Variants in MIR2052HG observed in about 807,000 individuals in gnomAD.
The protein encoded by MIR2052HG is MIR2052 host gene.
At chr8:74,740,302 A>G (rs912754211) in intron 4 of MIR2052HG, among the ~76,000 whole-genome samples, 10 of 152,214 alleles carry the variant, frequency 6.6e-5, no homozygotes, top group African/African-American at 2.4e-4. Context: ...TGTCTCTACT[A>G]AAAATACAAA....
intron 2 of MIR2052HG, among the ~76,000 whole-genome samples, chr8:74,677,776 G>T (rs576161366): frequency 8.6e-5 from 13 of 151,964 alleles, no homozygotes; most frequent in Non-Finnish European, 1.9e-4. Flanking sequence ...ATCTAAATTA[G>T]CAAATAAAGA....
At chr8:74,621,548 A>G (rs1336055481) in intron 2 of MIR2052HG, among the ~76,000 whole-genome samples, 3 of 152,230 alleles carry the variant, frequency 2.0e-5, no homozygotes. Flanking sequence ...GGGCAGCAGG[A>G]CAGAGTGAGT....
intron 4 of MIR2052HG, among the ~76,000 whole-genome samples, chr8:74,728,106 T>C (rs948472751): frequency 3.3e-5 from 5 of 152,248 alleles, no homozygotes; most frequent in African/African-American, 1.2e-4. Flanking sequence ...TGTAGCAGAA[T>C]AAATAGCAGA....
intron 2 of MIR2052HG, among the ~76,000 whole-genome samples, chr8:74,648,234 G>T (rs1295592243): frequency 1.3e-5 from 2 of 152,110 alleles, no homozygotes; most frequent in Non-Finnish European, 2.9e-5. Flanking sequence ...CTGGGGGGAG[G>T]TCTATGAATG....
chr8:74,756,584 A>T (rs1810002142), intron 5 of MIR2052HG: 1 of 152,192 alleles, frequency 6.6e-6, no homozygotes, highest in Non-Finnish European at 1.5e-5. Context: ...AAAGATCAGA[A>T]ATGTAACATT....
intron 1 of MIR2052HG, chr8:74,612,805 G>A: frequency 2.3e-6 from 1 of 436,508 alleles, no homozygotes; most frequent in Non-Finnish European, 4.6e-6. Flanking sequence ...AAAGAAGCAG[G>A]AAAAATAATC....
intron 2 of MIR2052HG, among the ~76,000 whole-genome samples, chr8:74,689,301 T>G (rs879567974): frequency 6.6e-6 from 1 of 152,212 alleles, no homozygotes; most frequent in Non-Finnish European, 1.5e-5. Flanking sequence ...ATCAAGTAAT[T>G]AAAGAATGAA....
At chr8:74,656,378 C>G (rs1808806368) in intron 2 of MIR2052HG, among the ~76,000 whole-genome samples, 3 of 152,084 alleles carry the variant, frequency 2.0e-5, no homozygotes, top group Admixed American at 2.0e-4. Flanking sequence ...TCCCAGAATT[C>G]CCCTGTGTTG....
intron 4 of MIR2052HG, among the ~76,000 whole-genome samples, chr8:74,707,016 T>C (rs1809417893): frequency 6.6e-6 from 1 of 152,142 alleles, no homozygotes; most frequent in Non-Finnish European, 1.5e-5. Context: ...ATCCCACTAT[T>C]GCATTTTCTA....
At chr8:74,655,468 G>C (rs1034860792) in intron 2 of MIR2052HG, among the ~76,000 whole-genome samples, 1 of 152,188 alleles carries the variant, frequency 6.6e-6, no homozygotes, top group Admixed American at 6.5e-5. Flanking sequence ...TGTCCCACCT[G>C]CTCCAGCCAT....
chr8:74,687,211 C>T (rs577118808), intron 2 of MIR2052HG, among the ~76,000 whole-genome samples: 1 of 152,048 alleles, frequency 6.6e-6, no homozygotes, highest in Admixed American at 6.6e-5. Context: ...TTGGTGGGGA[C>T]TTCGAAGAAT....
chr8:74,714,023 G>T (rs1254070644), intron 4 of MIR2052HG, among the ~76,000 whole-genome samples: 1 of 152,012 alleles, frequency 6.6e-6, no homozygotes, highest in Non-Finnish European at 1.5e-5. Flanking sequence ...TCTCTTAGGA[G>T]ATTCCGCAAG....
intron 2 of MIR2052HG, among the ~76,000 whole-genome samples, chr8:74,619,489 G>A (rs985225696): frequency 3.9e-5 from 6 of 152,192 alleles, no homozygotes; most frequent in African/African-American, 1.2e-4. Context: ...ATAAAGGAAA[G>A]AGGTTTTATA....
intron 4 of MIR2052HG, among the ~76,000 whole-genome samples, chr8:74,726,739 T>C (rs1359427922): frequency 6.6e-6 from 1 of 152,142 alleles, no homozygotes; most frequent in Middle Eastern, 3.2e-3. Flanking sequence ...ATGGCTTTGG[T>C]GGATTATATG....
At chr8:74,701,456 G>T (rs907144182) in intron 2 of MIR2052HG, among the ~76,000 whole-genome samples, 4 of 151,952 alleles carry the variant, frequency 2.6e-5, no homozygotes, top group Non-Finnish European at 2.9e-5. Context: ...ATACTCCGGG[G>T]CAGTCAGGGC....
At chr8:74,674,238 C>T (rs78441327) in intron 2 of MIR2052HG, among the ~76,000 whole-genome samples, 2,611 of 151,178 alleles carry the variant, frequency 0.017, 35 homozygotes, top group African/African-American at 0.035. Flanking sequence ...AAAGATTGCT[C>T]AGAATGAATG....
intron 2 of MIR2052HG, among the ~76,000 whole-genome samples, chr8:74,642,502 C>T (rs1268659744): frequency 1.3e-5 from 2 of 152,106 alleles, no homozygotes; most frequent in Non-Finnish European, 2.9e-5. Context: ...ATAGTCTCAG[C>T]AGTACTGACT....
intron 2 of MIR2052HG, among the ~76,000 whole-genome samples, chr8:74,689,795 A>C (rs934675720): frequency 6.6e-6 from 1 of 152,234 alleles, no homozygotes; most frequent in African/African-American, 2.4e-5. Flanking sequence ...TGATTTATTC[A>C]TTCATTGAAC....
chr8:74,679,248 C>T (rs1263017889), intron 2 of MIR2052HG, among the ~76,000 whole-genome samples: 1 of 152,060 alleles, frequency 6.6e-6, no homozygotes, highest in Non-Finnish European at 1.5e-5. Context: ...CACCTCTATC[C>T]TACCTTTCCC....
Sources: gnomAD v4.1 joint callset for allele counts (sites outside exome capture counted in the v4.1 genomes callset) on GRCh38, gnomAD v4.1.1 for gene constraint, MANE v1.5 for transcripts, NCBI Gene and HGNC (gene_info 2026-07-23, HGNC 2026-07-21) for gene names.